AIFM2: variants seen among roughly 807,000 people sequenced by gnomAD.
AIFM2 encodes the protein AIF family member 2, ferroptosis suppressor.
AIFM2 carries 38 observed loss-of-function variants against 35.7 expected under a neutral mutation model. That is an observed-to-expected ratio of 1.06 (90% CI 0.82 to 1.39). AIFM2 has a LOEUF of 1.39. AIFM2 is among the 40% of genes most tolerant of loss of function. The pLI, the probability that AIFM2 is intolerant of heterozygous loss-of-function variation, is 0.00. For missense variants in AIFM2, 476 were observed against 491.2 expected (o/e 0.97, Z 0.29); for synonymous variants, 185 against 203.5 (o/e 0.91, Z 0.77).
At chr10:70,127,092 A>G (rs1156315589) in intron 1 of AIFM2, among the ~76,000 whole-genome samples, 1 of 152,224 alleles carries the variant, frequency 6.6e-6, no homozygotes, top group South Asian at 2.1e-4. Flanking sequence ...AGCAGTGCAC[A>G]CCAGGAGCTG....
chr10:70,121,964 C>T (rs139100230), intron 3 of AIFM2, among the ~76,000 whole-genome samples: 2,490 of 151,826 alleles, frequency 0.016, 43 homozygotes, highest in African/African-American at 0.048. Context: ...TGGTGCCATG[C>T]GCCTGTAATC....
Position 70,113,991 on chromosome 10 carries a change from G to A in AIFM2, c.*187C>T. ...CAAACCCAGAAAGTATCCTCTAAGG[G>A]GGGTATTTGTTTAATACCTCTCTCT... On this transcript the variant is annotated 3_prime_UTR_variant, in exon 9 of 9. Coordinates refer to ENST00000307864, the MANE Select transcript of AIFM2 (RefSeq NM_032797.6). The A allele has an allele frequency of 2.8e-6, 2 of 711,484 alleles. No homozygotes were observed. Among genetic ancestry groups the A allele is most frequent in the Non-Finnish European group, 4.4e-6 (2 of 451,522 alleles). 44.1% of individuals were successfully genotyped at this position (711,484 alleles called of 1,614,324 possible).
Position 70,123,926 on chromosome 10 carries a change from G to A in AIFM2, c.159C>T (p.Leu53=). 1 of 1,594,022 alleles carries A rather than the reference G, an allele frequency of 6.3e-7. No homozygotes were observed. The highest frequency in any genetic ancestry group is 8.6e-7 in the Non-Finnish European group (1 of 1,165,988). ...CATTACCTGTCTCCACGGAGGCTCGGAGAGCAGCCACATTGTGGTGGAAGG... is the reference window on the plus strand; with the variant it reads ...CATTACCTGTCTCCACGGAGGCTCGAAGAGCAGCCACATTGTGGTGGAAGG... ...KDSFHHNVAA[L]RASVETGFAK... is the part of the protein sequence containing the mutation. Residue 53 remains leucine (L), a synonymous_variant, in exon 2 of 9, where the codon CTC becomes CTT. Transcript: ENST00000307864.
intron 3 of AIFM2, 58 bp from the exon 4 acceptor site, chr10:70,121,269 G>A (rs749863066): frequency 1.4e-6 from 2 of 1,467,468 alleles, no homozygotes; most frequent in South Asian, 2.9e-5. Flanking sequence ...GGTAGGGCAG[G>A]GCAGGGCAGG....
At position 70,114,968 on chromosome 10, in the gene AIFM2, T is replaced by C. The variant is rs1408220368; in HGVS notation, c.922A>G (p.Asn308Asp). The C allele has an allele frequency of 6.2e-7, 1 of 1,614,220 alleles. No individual in the cohort carries two copies. The highest frequency in any genetic ancestry group is 8.5e-7 in the Non-Finnish European group (1 of 1,180,026). Residue 308 changes from asparagine to aspartate, a missense_variant, in exon 8 of 9, where the codon AAC (asparagine) becomes GAC (aspartate). Coordinates refer to ENST00000307864, the MANE Select transcript of AIFM2 (RefSeq NM_032797.6). ...CGCTGCTTCACAGAGTTGACGATGT[T>C]GGCCACGGCGATGTTGGCGTGGAGG... The part of the protein sequence containing the change: ...AGLHANIAVA[N>D]IVNSVKQRPL...
chr10:70,114,327 C>T lies in AIFM2; in HGVS notation c.973G>A (p.Ala325Thr). The change falls in exon 9 of 9, where the codon GCA (alanine) becomes ACA (threonine). Residue 325 changes from alanine to threonine, a missense_variant and splice_region_variant. Coordinates refer to ENST00000307864, the MANE Select transcript of AIFM2 (RefSeq NM_032797.6). ...CCCATGGACAGGAGGAACGTCAGTG[C>T]ACCTGCAAGCAGAGACACAGAAACA... Reference protein sequence around the residue: ...QRPLQAYKPGALTFLLSMGRN... With the variant: ...QRPLQAYKPGTLTFLLSMGRN... 6.2e-7 allele frequency: 1 copy of T among 1,613,888 alleles called. No homozygotes were observed. Among genetic ancestry groups the T allele is most frequent in the Non-Finnish European group, 8.5e-7 (1 of 1,179,980 alleles).
In AIFM2 at chr10:70,117,799, A is replaced by AGGGTGCACGTACTCAGCAGC; in HGVS notation, c.609_616+12dup. 6.3e-7 allele frequency: 1 copy of AGGGTGCACGTACTCAGCAGC among 1,592,420 alleles called. No homozygotes were observed. Among genetic ancestry groups the AGGGTGCACGTACTCAGCAGC allele is most frequent in the East Asian group, 2.3e-5 (1 of 43,620 alleles). On this transcript the variant is annotated intron_variant, in intron 6 of 8. Transcript: ENST00000307864. The surrounding 1 kb of genome is among the most constrained non-coding windows in gnomAD (Gnocchi z 4.7). ...CCAGGGCAGGGCAGGGAGGGAGGTGAGGGTGCACGTACTCAGCAGCAGCTG... is the reference window on the plus strand; with the variant it reads ...CCAGGGCAGGGCAGGGAGGGAGGTGAGGGTGCACGTACTCAGCAGCGGGTGCACGTACTCAGCAGCAGCTG...
At chr10:70,122,392 A>G (rs1022948773) in intron 3 of AIFM2, among the ~76,000 whole-genome samples, 10 of 152,208 alleles carry the variant, frequency 6.6e-5, no homozygotes, top group African/African-American at 2.4e-4. Context: ...GTCACACGAA[A>G]TCACAACTCA....
intron 3 of AIFM2, 120 bp downstream of exon 3, chr10:70,123,285 C>T: frequency 1.2e-6 from 1 of 810,958 alleles, no homozygotes; most frequent in Non-Finnish European, 1.9e-6. Context: ...TCCCACAGTG[C>T]TGAGATTACA....
intron 1 of AIFM2, among the ~76,000 whole-genome samples, chr10:70,126,565 A>G (rs996685077): frequency 2.6e-5 from 4 of 152,150 alleles, no homozygotes; most frequent in Non-Finnish European, 5.9e-5. Context: ...TTTACCCCCT[A>G]TAATGGGAGG....
Position 70,115,064 on chromosome 10 carries a change from C to T in AIFM2, c.826G>A (p.Gly276Ser), listed in dbSNP as rs780157616. ...LRVNEHLQVE[G>S]HSNVYAIGDC... ...CCAATGGCGTAGACGTTGCTGTGGCCCTCCACCTGGAGGTGCTCGTTCACT... is the reference window on the plus strand; with the variant it reads ...CCAATGGCGTAGACGTTGCTGTGGCTCTCCACCTGGAGGTGCTCGTTCACT... The change falls in exon 8 of 9, where the codon GGC (glycine) becomes AGC (serine). Residue 276 changes from glycine to serine, a missense_variant. Gly to Ser is a moderately conservative substitution (Grantham distance 56). Transcript: ENST00000307864. The T allele has an allele frequency of 1.2e-6, 2 of 1,614,180 alleles. No homozygotes were observed. The highest frequency in any genetic ancestry group is 1.1e-5 in the South Asian group (1 of 91,080).
rs2072500904 is a variant in AIFM2, at chr10:70,121,222, CCAAAAAAA to C, written c.295-19_295-12del. 5 of 177,312 alleles carry C rather than the reference CCAAAAAAA, an allele frequency of 2.8e-5. No individual in the cohort carries two copies. In the African/African-American group the frequency reaches 4.8e-4, roughly 17 times the overall value. 11.0% of individuals were successfully genotyped at this position (177,312 alleles called of 1,614,324 possible). On this transcript the variant is annotated splice_polypyrimidine_tract_variant and intron_variant, in intron 3 of 8. Coordinates refer to ENST00000307864, the MANE Select transcript of AIFM2 (RefSeq NM_032797.6). ...AGAGAAGGGCAGGGCCTGAGAGAAA[CCAAAAAAA>C]AAAAAAAAAAAAAAAAAAAAAAGAT...
intron 7 of AIFM2, 145 bp downstream of exon 7, chr10:70,116,477 C>T: frequency 8.9e-7 from 1 of 1,122,556 alleles, no homozygotes; most frequent in Non-Finnish European, 1.3e-6. Context: ...AAGGGTGGAC[C>T]CTCACTGAAT....
intron 4 of AIFM2, 62 bp from the exon 5 acceptor site, chr10:70,120,661 T>C (rs1589848512): frequency 6.3e-7 from 1 of 1,581,834 alleles, no homozygotes; most frequent in East Asian, 2.2e-5. Flanking sequence ...CACCTCTGTC[T>C]GCTGGTTCAG....
Position 70,112,500 on chromosome 10 carries a change from A to G in AIFM2, c.*1678T>C, listed in dbSNP as rs1015629417. On this transcript the variant is annotated 3_prime_UTR_variant, in exon 9 of 9. Coordinates refer to ENST00000307864, the MANE Select transcript of AIFM2 (RefSeq NM_032797.6). ...GCTTCCCTTCGTGGTCCATAAAGAA[A>G]GACAGATACTTGGATGCAACCACCA... is the stretch of plus-strand genomic sequence containing the variant. 1 of 152,244 alleles carries G rather than the reference A, an allele frequency of 6.6e-6. No homozygotes were observed. The highest frequency in any genetic ancestry group is 6.5e-5 in the Admixed American group (1 of 15,286). 9.4% of individuals were successfully genotyped at this position (152,244 alleles called of 1,614,324 possible).
chr10:70,115,421 T>TA (rs113014029), intron 7 of AIFM2, among the ~76,000 whole-genome samples: 12,116 of 152,322 alleles, frequency 0.08, 789 homozygotes, highest in African/African-American at 0.18. Flanking sequence ...CTCAACAAGT[T>TA]ACAATGATCA....
rs1441088481 is a variant in AIFM2 at position 70,124,284 on chromosome 10, G to A, written c.-13-187C>T. On this transcript the variant is annotated intron_variant, in intron 1 of 8. Transcript: ENST00000307864. Reference sequence around the variant, plus strand: ...GGAACAAGGGGGTATCCCACTTCCAGCCCATTCCCCAAACACCAAGTTCCC... The same window carrying A: ...GGAACAAGGGGGTATCCCACTTCCAACCCATTCCCCAAACACCAAGTTCCC... Among the ~76,000 whole-genome samples, 2 of 152,182 alleles carry A rather than the reference G, an allele frequency of 1.3e-5. 1 individual carries two copies. The highest frequency in any genetic ancestry group is 4.8e-5 in the African/African-American group (2 of 41,436).
Position 70,116,631 on chromosome 10 carries a change from T to C in AIFM2, c.760A>G (p.Lys254Glu), listed in dbSNP as rs1264863180. ...GIKINSSAYRKAFESRLASSG... is the reference protein window; with the variant it reads ...GIKINSSAYREAFESRLASSG... The stretch of plus-strand genomic sequence containing the variant: ...CTGGGCACCTGCTCACCAAACGCTT[T>C]GCGGTAGGCGGAGCTGTTGATCTTG... Residue 254 changes from lysine to glutamate, a missense_variant, in exon 7 of 9, where the codon AAA (lysine) becomes GAA (glutamate). By Grantham distance (56) the Lys-to-Glu change is moderately conservative. Transcript: ENST00000307864. The C allele has an allele frequency of 6.2e-7, 1 of 1,613,738 alleles. No individual in the cohort carries two copies. Among genetic ancestry groups the C allele is most frequent in the Non-Finnish European group, 8.5e-7 (1 of 1,179,948 alleles).
intron 8 of AIFM2, 106 bp from the exon 9 acceptor site, chr10:70,114,435 T>A (rs1234829868): frequency 7.0e-7 from 1 of 1,424,014 alleles, no homozygotes; most frequent in African/African-American, 1.5e-5. Flanking sequence ...GGGCCGGAAA[T>A]GTGAAATCGC....
Sources: allele counts gnomAD v4.1 joint callset (sites outside exome capture counted in the v4.1 genomes callset), GRCh38; gene constraint gnomAD v4.1.1; non-coding constraint Gnocchi (gnomAD v3.1); transcripts MANE v1.5; gene names NCBI Gene and HGNC (gene_info 2026-07-23, HGNC 2026-07-21).